Variants in PCGF5 observed in about 807,000 individuals in gnomAD.
The protein encoded by PCGF5 is polycomb group ring finger 5.
PCGF5 carries 9 observed loss-of-function variants against 44.3 expected under a neutral mutation model. The observed-to-expected ratio is 0.20, with a 90% CI of 0.12 to 0.35. PCGF5 has a LOEUF of 0.35. PCGF5 is among the 10% of genes least tolerant of loss of function. PCGF5 has a pLI of 1.00. For missense variants in PCGF5, 146 were observed against 305.3 expected (o/e 0.48, Z 3.89); for synonymous variants, 95 against 102.5 (o/e 0.93, Z 0.44).
At chr10:91,271,782 T>A in intron 9 of PCGF5, 85 bp downstream of exon 9, 1 of 1,179,348 alleles carries the variant, frequency 8.5e-7, no homozygotes, top group South Asian at 1.3e-5. Flanking sequence ...TCCTAAGACA[T>A]TTAACTTTGT....
At chr10:91,206,474 A>T (rs1289381613) in intron 1 of PCGF5, among the ~76,000 whole-genome samples, 1 of 152,158 alleles carries the variant, frequency 6.6e-6, no homozygotes, top group Non-Finnish European at 1.5e-5. Context: ...GCAGAGTATG[A>T]GGAAGATATC....
intron 2 of PCGF5, among the ~76,000 whole-genome samples, chr10:91,238,601 C>CTTTTTTTTTTTTTTTTTTTTTTTTTTTT (rs71487496): frequency 3.4e-5 from 2 of 58,440 alleles, no homozygotes; most frequent in Non-Finnish European, 6.1e-5. Context: ...TTCTTTCTTT[C>CTTTTTTTTTTTTTTTTTTTTTTTTTTTT]TTTTTTTTTT....
At chr10:91,156,410 CA>C in the PCGF5 span, among the ~76,000 whole-genome samples, 1 of 151,968 alleles carries the variant, frequency 6.6e-6, no homozygotes, top group African/African-American at 2.4e-5. Context: ...TAGTAGAAAC[CA>C]AAAGAATTAT....
At chr10:91,243,529 G>T (rs1279128628) in intron 3 of PCGF5, among the ~76,000 whole-genome samples, 1 of 152,080 alleles carries the variant, frequency 6.6e-6, no homozygotes, top group Non-Finnish European at 1.5e-5. Flanking sequence ...AATGACTCTA[G>T]CATAGCAGAG....
chr10:91,161,197 T>A (rs1266519380), upstream of PCGF5, among the ~76,000 whole-genome samples: 2 of 152,234 alleles, frequency 1.3e-5, no homozygotes, highest in African/African-American at 2.4e-5. Flanking sequence ...AGAAGGCACG[T>A]CCAGCAGTTG....
At chr10:91,234,897 C>G (rs947586770) in intron 2 of PCGF5, among the ~76,000 whole-genome samples, 17 of 152,172 alleles carry the variant, frequency 1.1e-4, no homozygotes, top group Admixed American at 1.1e-3. Flanking sequence ...AACAACTATG[C>G]TATACTACCT....
chr10:91,160,772 AG>A (rs1843369474), upstream of PCGF5, among the ~76,000 whole-genome samples: 1 of 152,240 alleles, frequency 6.6e-6, no homozygotes, highest in Non-Finnish European at 1.5e-5. Context: ...TAATGGAAGC[AG>A]AAGGGCAAAG....
At chr10:91,220,462 CG>C (rs1274824965), upstream of PCGF5, 1 of 152,784 alleles carries the variant, frequency 6.5e-6, no homozygotes, top group East Asian at 1.9e-4. Flanking sequence ...GCCAGAGCTA[CG>C]TGTAGCACAG....
chr10:91,179,657 T>C (rs1319896999), intron 1 of PCGF5, among the ~76,000 whole-genome samples: 1 of 152,232 alleles, frequency 6.6e-6, no homozygotes, highest in Non-Finnish European at 1.5e-5. Flanking sequence ...GCTCCAACCA[T>C]GTCCCCACAA....
At chr10:91,203,095 C>A (rs1844282293) in intron 1 of PCGF5, among the ~76,000 whole-genome samples, 1 of 152,208 alleles carries the variant, frequency 6.6e-6, no homozygotes, top group South Asian at 2.1e-4. Flanking sequence ...TGTTCAGCCA[C>A]AATCTACCAG....
chr10:91,231,330 T>C (rs1474049859), intron 2 of PCGF5, among the ~76,000 whole-genome samples: 1 of 152,156 alleles, frequency 6.6e-6, no homozygotes, highest in African/African-American at 2.4e-5. Context: ...AGGTGATAAA[T>C]ACTGTAGAAA....
chr10:91,238,159 C>A (rs1208445417), intron 2 of PCGF5, among the ~76,000 whole-genome samples: 1 of 152,196 alleles, frequency 6.6e-6, no homozygotes, highest in Non-Finnish European at 1.5e-5. Context: ...TACATCTGAA[C>A]TTAAACTAGC....
chr10:91,249,520 T>A (rs1359261406), intron 5 of PCGF5, among the ~76,000 whole-genome samples: 2 of 151,130 alleles, frequency 1.3e-5, no homozygotes, highest in Non-Finnish European at 3.0e-5. Flanking sequence ...TAAATATCAT[T>A]TAAAGTTATT....
intron 1 of PCGF5, among the ~76,000 whole-genome samples, chr10:91,180,989 A>G (rs1229647760): frequency 6.6e-6 from 1 of 152,174 alleles, no homozygotes; most frequent in East Asian, 1.9e-4. Flanking sequence ...TGAGCATGGA[A>G]TGTTTTTCAA....
chr10:91,191,123 G>A (rs1053205291), intron 1 of PCGF5, among the ~76,000 whole-genome samples: 3 of 152,124 alleles, frequency 2.0e-5, no homozygotes, highest in African/African-American at 7.2e-5. Flanking sequence ...TTTTGTTCCT[G>A]TGTATACATA....
At chr10:91,200,560 G>C (rs891004209) in intron 1 of PCGF5, among the ~76,000 whole-genome samples, 1 of 152,190 alleles carries the variant, frequency 6.6e-6, no homozygotes, top group Admixed American at 6.5e-5. Flanking sequence ...GCTGCTATAA[G>C]GGACTGTGCC....
At chr10:91,234,202 A>G (rs1269036050) in intron 2 of PCGF5, among the ~76,000 whole-genome samples, 1 of 152,210 alleles carries the variant, frequency 6.6e-6, no homozygotes, top group East Asian at 1.9e-4. Flanking sequence ...TGAAATCAAC[A>G]TGTAATAGTG....
chr10:91,174,824 G>T (rs1238267333), intron 1 of PCGF5, among the ~76,000 whole-genome samples: 1 of 152,206 alleles, frequency 6.6e-6, no homozygotes, highest in African/African-American at 2.4e-5. Context: ...ATTAGAATTT[G>T]GTGGATGGAA....
chr10:91,206,762 G>T (rs1449207827), intron 1 of PCGF5, among the ~76,000 whole-genome samples: 4 of 152,106 alleles, frequency 2.6e-5, no homozygotes, highest in Non-Finnish European at 5.9e-5. Flanking sequence ...GCATGATCCT[G>T]CCTCCATGCC....
Sources: allele counts gnomAD v4.1 joint callset (sites outside exome capture counted in the v4.1 genomes callset), GRCh38; gene constraint gnomAD v4.1.1; transcripts MANE v1.5; gene names NCBI Gene and HGNC (gene_info 2026-07-23, HGNC 2026-07-21).